The following XPO5 variants were observed in gnomAD, a reference collection of about 807,000 sequenced individuals.
XPO5 encodes exportin-5.
A neutral mutation model predicts 160.6 loss-of-function variants in XPO5; 46 were observed. That is an observed-to-expected ratio of 0.29 (90% CI 0.23 to 0.37). The LOEUF (loss-of-function observed/expected upper bound fraction) is 0.37. XPO5 is among the 10% of genes least tolerant of loss of function. The pLI is 1.00. For synonymous variants in XPO5, 537 were observed against 519.3 expected (o/e 1.03, Z -0.46); for missense variants, 1,090 against 1,463.9 (o/e 0.74, Z 4.17).
chr6:43,532,362 G>A (rs1186960238), intron 21 of XPO5, among the ~76,000 whole-genome samples: 1 of 152,174 alleles, frequency 6.6e-6, no homozygotes, highest in African/African-American at 2.4e-5. Context: ...CCATTGGATT[G>A]CTTGACCACA....
At chr6:43,524,352 CAA>C (rs368583529) in intron 31 of XPO5, 117 bp downstream of exon 31, 55,735 of 1,024,624 alleles carry the variant, frequency 0.054, 22 homozygotes, top group African/African-American at 0.081. Flanking sequence ...AACCCCATCT[CAA>C]AAAAAAAAAA....
intron 1 of XPO5, 27 bp downstream of exon 1, chr6:43,575,733 G>A (rs757701326): frequency 6.3e-7 from 1 of 1,589,136 alleles, no homozygotes; most frequent in South Asian, 1.1e-5. Context: ...TGTCGGGACC[G>A]GCCCAGGACG....
At chr6:43,571,733 A>G (rs143988022) in intron 3 of XPO5, among the ~76,000 whole-genome samples, 1 of 152,270 alleles carries the variant, frequency 6.6e-6, no homozygotes. Flanking sequence ...ACTTGAGCCC[A>G]GGAGTTCGAG....
Position 43,560,200 on chromosome 6 carries a change from G to T in XPO5, c.1199C>A (p.Ala400Asp). 1 of 1,612,542 alleles carries T rather than the reference G, an allele frequency of 6.2e-7. No individual in the cohort carries two copies. The highest frequency in any genetic ancestry group is 8.5e-7 in the Non-Finnish European group (1 of 1,179,182). ...LLAIIPKYLR[A>D]SMTNLVKMGF... ...TACCTTGACCAAGTTAGTCATGGAAGCACGAAGATATTTTGGTATTATTGC... is the reference window on the plus strand; with the variant it reads ...TACCTTGACCAAGTTAGTCATGGAATCACGAAGATATTTTGGTATTATTGC... The change falls in exon 11 of 32, where the codon GCT (alanine) becomes GAT (aspartate). Residue 400 changes from alanine (A) to aspartate (D), a missense_variant. By Grantham distance (126) the Ala-to-Asp change is moderately radical (BLOSUM62 -2). This residue lies in a region of XPO5 where 810 missense variants were observed against 1,139.0 expected (regional missense o/e 0.71). Transcript: ENST00000265351.
At position 43,558,484 on chromosome 6, in the gene XPO5, A is replaced by C; in HGVS notation, c.1312+17T>G. 3.2e-6 allele frequency: 5 copies of C among 1,577,792 alleles called. No individual in the cohort carries two copies. The highest frequency in any genetic ancestry group is 3.4e-6 in the Non-Finnish European group (4 of 1,163,566). Reference sequence around the variant, plus strand: ...TTCTGAGACTGTTGAGAGAAATCCAAGGCCAACATCACTTACAGTTGAAGA... The same window carrying C: ...TTCTGAGACTGTTGAGAGAAATCCACGGCCAACATCACTTACAGTTGAAGA... On this transcript the variant is annotated intron_variant, in intron 12 of 31. Coordinates refer to ENST00000265351, the MANE Select transcript of XPO5 (RefSeq NM_020750.3).
chr6:43,561,080 A>G, intron 9 of XPO5, 73 bp from the exon 10 acceptor site: 3 of 1,233,730 alleles, frequency 2.4e-6, no homozygotes, highest in Non-Finnish European at 3.6e-6. Flanking sequence ...GGAAGTAATA[A>G]AAACAGATAA....
intron 12 of XPO5, among the ~76,000 whole-genome samples, chr6:43,558,120 A>C (rs566496356): frequency 1.3e-5 from 2 of 152,084 alleles, no homozygotes; most frequent in Non-Finnish European, 2.9e-5. Flanking sequence ...ACAAAAAGGA[A>C]ATAAGGCACA....
intron 14 of XPO5, 99 bp downstream of exon 14, chr6:43,553,274 C>G (rs1795338345): frequency 1.5e-5 from 21 of 1,414,718 alleles, no homozygotes; most frequent in Non-Finnish European, 1.9e-5. Flanking sequence ...TGCATTTCAG[C>G]CTGAGCAACA....
At chr6:43,558,918 G>A in intron 11 of XPO5, 1 of 225,130 alleles carries the variant, frequency 4.4e-6, no homozygotes, top group South Asian at 1.0e-4. Flanking sequence ...AGAGCTACTT[G>A]CCTCAAATAC....
chr6:43,523,835 G>C lies in XPO5; in HGVS notation c.*33C>G, dbSNP rs372044826. On this transcript the variant is annotated 3_prime_UTR_variant, in exon 32 of 32. Transcript: ENST00000265351. ...TACAAAGGGAAAGAAGAGATGACAA[G>C]AAAGGCCGAGGAAGGATGCCCAAAA... 5.6e-6 allele frequency: 9 copies of C among 1,613,820 alleles called. No homozygotes were observed. In the African/African-American group the frequency reaches 1.2e-4, roughly 22 times the overall value.
rs1449741668 is a variant in XPO5 at position 43,524,906 on chromosome 6, G to C, written c.3237C>G (p.Gly1079=). Residue 1079 remains glycine (G), a synonymous_variant, in exon 30 of 32, where the codon GGC becomes GGG. Transcript: ENST00000265351. ...CGTCGTGCTGCCCGTGCATCTGTAA[G>C]CCTTTCAGCACACTGGTGAAAAGCC... ...VTWLFTSVLK[G]LQMHGQHDGC... 6.2e-7 allele frequency: 1 copy of C among 1,614,044 alleles called. No homozygotes were observed. The highest frequency in any genetic ancestry group is 8.5e-7 in the Non-Finnish European group (1 of 1,179,902).
chr6:43,548,268 T>C lies in XPO5; in HGVS notation c.2053A>G (p.Met685Val). Residue 685 changes from methionine (M) to valine (V), a missense_variant, in exon 18 of 32, where the codon ATG becomes GTG. Met to Val is a conservative substitution (Grantham distance 21, BLOSUM62 1). This residue lies in a region of XPO5 where 810 missense variants were observed against 1,139.0 expected (regional missense o/e 0.71). Coordinates refer to ENST00000265351, the MANE Select transcript of XPO5 (RefSeq NM_020750.3). ...PVASIWLSQD[M>V]HRVLSDVDAF... ...GCAAGGGATCTCCTTTACCTGTGCA[T>C]GTCTTGAGAAAGCCAGATGCTGGCC... 2 of 1,609,346 alleles carry C rather than the reference T, an allele frequency of 1.2e-6. No individual in the cohort carries two copies. Among genetic ancestry groups the C allele is most frequent in the Non-Finnish European group, 1.7e-6 (2 of 1,177,154 alleles).
chr6:43,531,470 G>A lies in XPO5; in HGVS notation c.2540+9C>T. ...AAGAAAATATGGAGAGGCAGCATTG[G>A]TTCCTTACCAGTTTTCATAGAGGGT... On this transcript the variant is annotated intron_variant, in intron 22 of 31. Transcript: ENST00000265351. 1.2e-6 allele frequency: 2 copies of A among 1,610,096 alleles called. No individual in the cohort carries two copies. The highest frequency in any genetic ancestry group is 8.5e-7 in the Non-Finnish European group (1 of 1,176,388).
chr6:43,527,396 T>G (rs994646550), intron 26 of XPO5: 1 of 349,624 alleles, frequency 2.9e-6, no homozygotes, highest in Non-Finnish European at 5.3e-6. Context: ...CTCAGCCTCC[T>G]GAGTAGCTGG....
chr6:43,565,799 G>C (rs1762667647), intron 7 of XPO5, 63 bp from the exon 8 acceptor site: 2 of 1,264,280 alleles, frequency 1.6e-6, no homozygotes. Context: ...GACATCTTCT[G>C]TAAGTATATA....
Position 43,525,143 on chromosome 6 carries a change from C to A in XPO5, c.3138G>T (p.Arg1046Ser). Residue 1046 changes from arginine (R) to serine (S), a missense_variant, in exon 29 of 32, where the codon AGG becomes AGT. Around this residue, in one of 3 missense-constraint regions of XPO5, gnomAD observed 810 missense variants for 1,139.0 expected, o/e 0.71. Transcript: ENST00000265351. ...LAWKDTLSCQ[R>S]TTSQLCWPLL... ...GAGGCCAGCAGAGCTGTGAGGTTGT[C>A]CTCTGGCAGGACAGAGTATCTTTCC... The A allele has an allele frequency of 6.3e-7, 1 of 1,582,202 alleles. No homozygotes were observed. The highest frequency in any genetic ancestry group is 8.6e-7 in the Non-Finnish European group (1 of 1,163,462).
intron 23 of XPO5, among the ~76,000 whole-genome samples, chr6:43,530,342 T>C (rs1793888509): frequency 6.6e-6 from 1 of 151,240 alleles, no homozygotes; most frequent in African/African-American, 2.4e-5. Context: ...AAGAATAGCT[T>C]GAACCTGAGA....
At chr6:43,529,138 T>C in intron 23 of XPO5, 1 of 1,268,226 alleles carries the variant, frequency 7.9e-7, no homozygotes, top group Non-Finnish European at 1.1e-6. Flanking sequence ...TTAGCTGCAT[T>C]TCCGTCAGGC....
intron 1 of XPO5, among the ~76,000 whole-genome samples, chr6:43,574,447 A>G (rs2127759872): frequency 6.6e-6 from 1 of 150,732 alleles, no homozygotes; most frequent in East Asian, 1.9e-4. Flanking sequence ...CACATATATA[A>G]CATTTCCTCC....
Sources: allele counts gnomAD v4.1 joint callset (sites outside exome capture counted in the v4.1 genomes callset), GRCh38; gene constraint gnomAD v4.1.1; regional missense constraint gnomAD v4.1.1; transcripts MANE v1.5; gene names NCBI Gene and HGNC (gene_info 2026-07-23, HGNC 2026-07-21).